KCNN2: variants seen among roughly 807,000 people sequenced by gnomAD.
KCNN2 encodes the protein potassium calcium-activated channel subfamily N member 2.
In KCNN2, 24 loss-of-function variants were observed where a neutral mutation model predicts 55.5. The observed-to-expected ratio is 0.43, with a 90% CI of 0.31 to 0.61. The LOEUF is 0.61. KCNN2 is among the 20% of genes least tolerant of loss of function. The pLI is 0.08. For synonymous variants in KCNN2, 431 were observed against 336.1 expected, an observed-to-expected ratio of 1.28 and a Z score of -3.09; for missense variants, 754 against 853.6, an observed-to-expected ratio of 0.88 and a Z score of 1.45.
At chr5:114,205,565 C>G (rs1055446865) in intron 1 of KCNN2, among the ~76,000 whole-genome samples, 1 of 152,058 alleles carries the variant, frequency 6.6e-6, no homozygotes, top group African/African-American at 2.4e-5. Context: ...AAGAGCAAAA[C>G]AATAGAATTA....
intron 1 of KCNN2, among the ~76,000 whole-genome samples, chr5:114,203,107 G>A (rs73254113): frequency 0.03 from 4,579 of 152,270 alleles, 222 homozygotes; most frequent in African/African-American, 0.1. Context: ...ATGCTGTGGA[G>A]CAGTGAATAG....
chr5:114,315,701 A>C (rs1193291742), intron 2 of KCNN2, among the ~76,000 whole-genome samples: 1 of 152,080 alleles, frequency 6.6e-6, no homozygotes, highest in Admixed American at 6.6e-5. Flanking sequence ...GGGTTAGTCA[A>C]ATATTTTGCT....
chr5:114,393,100 T>C (rs1211583149), intron 2 of KCNN2, among the ~76,000 whole-genome samples: 2 of 152,100 alleles, frequency 1.3e-5, no homozygotes, highest in African/African-American at 2.4e-5. Context: ...CAAGGAAACA[T>C]TAAGATGTAA....
At chr5:114,162,874 G>A (rs763491713) in intron 1 of KCNN2, among the ~76,000 whole-genome samples, 2 of 152,080 alleles carry the variant, frequency 1.3e-5, no homozygotes, top group African/African-American at 2.4e-5. Context: ...GGGTGGGAGC[G>A]ACCTGATTTT....
intron 1 of KCNN2, among the ~76,000 whole-genome samples, chr5:114,164,049 A>T (rs1025112129): frequency 1.3e-5 from 2 of 152,182 alleles, no homozygotes. Context: ...CTGATTGTCA[A>T]TATGAGTGAA....
In KCNN2 at chr5:114,069,464, C is replaced by A. The variant is rs181137560; in HGVS notation, c.-271+12964C>A. On this transcript the variant is annotated intron_variant, in intron 1 of 10. Transcript: ENST00000512097. ...AATACTGTTGAAGGCTTTAAGCCTT[C>A]AACTATAGATTTCTAAGCCTTTTAA... 3.0e-3 allele frequency among the ~76,000 whole-genome samples: 461 copies of A among 152,246 alleles called. 4 individuals carry two copies. The highest frequency in any genetic ancestry group is 0.011 in the African/African-American group (440 of 41,548).
chr5:114,381,557 G>A (rs1239187477), intron 2 of KCNN2, among the ~76,000 whole-genome samples: 1 of 152,146 alleles, frequency 6.6e-6, no homozygotes, highest in Non-Finnish European at 1.5e-5. Flanking sequence ...TCTTCTCTGG[G>A]CCCGCTTGTG....
intron 1 of KCNN2, among the ~76,000 whole-genome samples, chr5:114,210,590 A>T (rs1356934867): frequency 1.3e-5 from 2 of 152,194 alleles, no homozygotes; most frequent in East Asian, 1.9e-4. Context: ...CATTGTGATT[A>T]TATGTGAGTG....
chr5:114,221,267 A>G (rs962256373), intron 1 of KCNN2, among the ~76,000 whole-genome samples: 6 of 152,240 alleles, frequency 3.9e-5, no homozygotes, highest in African/African-American at 1.4e-4. Context: ...GATAGAATCT[A>G]GGAATTGTTT....
intron 2 of KCNN2, among the ~76,000 whole-genome samples, chr5:114,354,386 G>A (rs1757262808): frequency 6.6e-6 from 1 of 152,038 alleles, no homozygotes; most frequent in South Asian, 2.1e-4. Context: ...AGATATACTA[G>A]AAAATTGTTT....
intron 2 of KCNN2, among the ~76,000 whole-genome samples, chr5:114,336,677 G>T (rs1756929894): frequency 6.6e-6 from 1 of 152,186 alleles, no homozygotes; most frequent in Non-Finnish European, 1.5e-5. Context: ...TGAATGGGGT[G>T]CTGGGGATGG....
chr5:114,432,871 C>T (rs983520468), intron 3 of KCNN2, among the ~76,000 whole-genome samples: 5 of 152,236 alleles, frequency 3.3e-5, no homozygotes, highest in African/African-American at 4.8e-5. Flanking sequence ...AGTGCCAGCT[C>T]ACCAGCGCTG....
intron 3 of KCNN2, among the ~76,000 whole-genome samples, chr5:114,441,377 T>G (rs1006571526): frequency 6.6e-6 from 1 of 152,188 alleles, no homozygotes; most frequent in Non-Finnish European, 1.5e-5. Context: ...TAAAGATACA[T>G]TCCCTTCCAG....
intron 1 of KCNN2, among the ~76,000 whole-genome samples, chr5:114,207,099 G>A (rs1753791958): frequency 6.6e-6 from 1 of 152,094 alleles, no homozygotes; most frequent in Non-Finnish European, 1.5e-5. Context: ...CTCTGAAGCT[G>A]TTATCGATGG....
intron 1 of KCNN2, among the ~76,000 whole-genome samples, chr5:114,142,706 A>G (rs1213960136): frequency 1.3e-5 from 2 of 152,182 alleles, no homozygotes; most frequent in African/African-American, 4.8e-5. Context: ...CTGCTCAACA[A>G]AATAAAAGAG....
chr5:114,470,035 GATTA>G (rs1761648995), intron 4 of KCNN2, among the ~76,000 whole-genome samples: 2 of 152,116 alleles, frequency 1.3e-5, no homozygotes, highest in Admixed American at 6.6e-5. Context: ...TAAATGATTG[GATTA>G]ATTTCTTTTC....
At chr5:114,411,350 T>C (rs1759125571) in intron 3 of KCNN2, among the ~76,000 whole-genome samples, 1 of 152,144 alleles carries the variant, frequency 6.6e-6, no homozygotes, top group Non-Finnish European at 1.5e-5. Flanking sequence ...AGGATATAGA[T>C]ATAAATATAT....
intron 3 of KCNN2, among the ~76,000 whole-genome samples, chr5:114,409,800 C>G (rs909661436): frequency 6.6e-6 from 1 of 151,968 alleles, no homozygotes; most frequent in East Asian, 1.9e-4. Context: ...GGCATTTATT[C>G]CTTGTGGTAT....
At position 114,459,526 on chromosome 5, in the gene KCNN2, G is replaced by A. The variant is rs373136279; in HGVS notation, c.1638-3523G>A. 7.9e-4 allele frequency among the ~76,000 whole-genome samples: 121 copies of A among 152,276 alleles called. 1 individual carries two copies. The South Asian group carries it at 0.025, about 32-fold the overall frequency. ...ATGTTCAAAATGATAATATCATCCT[G>A]TGAAAAGTCTAATTTTGTTTCTGAG... is the stretch of plus-strand genomic sequence containing the variant. On this transcript the variant is annotated intron_variant, in intron 3 of 7. Coordinates refer to ENST00000673685, the MANE Select transcript of KCNN2 (RefSeq NM_021614.4).
Sources: allele counts gnomAD v4.1 joint callset (sites outside exome capture counted in the v4.1 genomes callset), GRCh38; gene constraint gnomAD v4.1.1; transcripts MANE v1.5; gene names NCBI Gene and HGNC (gene_info 2026-07-23, HGNC 2026-07-21).